LAMTOR3: variants seen among roughly 807,000 people sequenced by gnomAD.
LAMTOR3 encodes the protein late endosomal/lysosomal adaptor, MAPK and MTOR activator 3, also known as ragulator complex protein LAMTOR3.
In LAMTOR3, 14 loss-of-function variants were observed where a neutral mutation model predicts 20.3. The observed-to-expected ratio is 0.69, with a 90% CI of 0.46 to 1.08. The LOEUF is 1.08. Among genes scored for constraint, LAMTOR3 ranks in the 50% least tolerant of loss-of-function variants. The pLI is 0.00. For missense variants in LAMTOR3, 125 were observed against 143.7 expected (o/e 0.87, Z 0.67); for synonymous variants, 40 against 49.4 (o/e 0.81, Z 0.80).
In LAMTOR3 at chr4:99,887,321, A is replaced by G. The variant is rs745413817; in HGVS notation, c.78T>C (p.Asp26=). The part of the protein sequence containing the change: ...VEGLHAIVVS[D]RDGVPVIKVA... ...CTTTAATAACAGGTACTCCATCTCT[A>G]TCTGACACAACAATGGCATGGAGCC... The change falls in exon 4 of 7, where the codon GAT becomes GAC. Residue 26 remains aspartate (D), a synonymous_variant. Coordinates refer to ENST00000499666, the MANE Select transcript of LAMTOR3 (RefSeq NM_021970.4). 12 of 1,562,242 alleles carry G rather than the reference A, an allele frequency of 7.7e-6. No individual in the cohort carries two copies. Among genetic ancestry groups the G allele is most frequent in the South Asian group, 7.2e-5 (6 of 82,912 alleles).
chr4:99,878,713 C>T lies in LAMTOR3; in HGVS notation c.*3281G>A, dbSNP rs1724759014. 6.6e-6 allele frequency: 1 copy of T among 152,188 alleles called. No individual in the cohort carries two copies. Among genetic ancestry groups the T allele is most frequent in the Admixed American group, 6.5e-5 (1 of 15,284 alleles). 9.4% of individuals were successfully genotyped at this position (152,188 alleles called of 1,614,324 possible). A position where few individuals can be genotyped will look rare whatever the true frequency, so the allele number is the denominator to read the frequency against. ...GATCTTTTCATCTCAGTACCTAAAG[C>T]ACTTCTTCATTCCTTTTTCCATTGG... is the stretch of plus-strand genomic sequence containing the variant. On this transcript the variant is annotated 3_prime_UTR_variant, in exon 7 of 7. Transcript: ENST00000499666.
At position 99,884,597 on chromosome 4, in the gene LAMTOR3, C is replaced by A. The variant is rs148392182; in HGVS notation, c.238-472G>T. Among the ~76,000 whole-genome samples the A allele has an allele frequency of 3.4e-4, 51 of 152,160 alleles. No individual in the cohort carries two copies. The East Asian group carries it at 7.9e-3, about 24-fold the overall frequency. On this transcript the variant is annotated intron_variant, in intron 5 of 6. Transcript: ENST00000499666. ...AAAGAAAACTTAGTTTAAACCTAAT[C>A]CTTATTGATGAAATTAAAGGTCAGA...
At position 99,881,969 on chromosome 4, in the gene LAMTOR3, G is replaced by C. The variant is rs747370548; in HGVS notation, c.*25C>G. ...TATTGTGTTGTTATAATGAAGATAA[G>C]GTACACACTGAAACCACTGTCAGAT... is the stretch of plus-strand genomic sequence containing the variant. On this transcript the variant is annotated 3_prime_UTR_variant, in exon 7 of 7. Transcript: ENST00000499666. 1 of 1,440,330 alleles carries C rather than the reference G, an allele frequency of 6.9e-7. No homozygotes were observed. The highest frequency in any genetic ancestry group is 9.8e-7 in the Non-Finnish European group (1 of 1,025,606). The allele number at this position is 1,440,330 out of a possible 1,614,324, so 89.2% of individuals were successfully genotyped here. A position where few individuals can be genotyped will look rare whatever the true frequency, so the allele number is the denominator to read the frequency against.
At chr4:99,885,407 T>C in intron 5 of LAMTOR3, 135 bp downstream of exon 5, 1 of 654,014 alleles carries the variant, frequency 1.5e-6, no homozygotes, top group South Asian at 3.2e-5. Context: ...TACAACCAAT[T>C]TGAAGGCTAA....
chr4:99,890,919 T>C lies in LAMTOR3; in HGVS notation c.44+1081A>G, dbSNP rs57427258. ...TCATCATATCCAGTGTCACACGCTATTATGATTTTGAGAGCACACTTAATA... is the reference window on the plus strand; with the variant it reads ...TCATCATATCCAGTGTCACACGCTACTATGATTTTGAGAGCACACTTAATA... On this transcript the variant is annotated intron_variant, in intron 3 of 6. Transcript: ENST00000499666. 8.1e-3 allele frequency among the ~76,000 whole-genome samples: 1,229 copies of C among 152,332 alleles called. 17 individuals carry two copies. Among genetic ancestry groups the C allele is most frequent in the African/African-American group, 0.027 (1,135 of 41,576 alleles).
At chr4:99,893,673 T>A (rs1057095055) in intron 2 of LAMTOR3, among the ~76,000 whole-genome samples, 1 of 152,148 alleles carries the variant, frequency 6.6e-6, no homozygotes, top group African/African-American at 2.4e-5. Context: ...ATACAGAGCC[T>A]CTCTTATGCC....
At chr4:99,887,233 T>C (rs1724944363) in intron 4 of LAMTOR3, 63 bp downstream of exon 4, 1 of 1,087,712 alleles carries the variant, frequency 9.2e-7, no homozygotes, top group East Asian at 2.6e-5. Flanking sequence ...TACTCAGATG[T>C]AAATTACACA....
chr4:99,881,519 C>T lies in LAMTOR3; in HGVS notation c.*475G>A, dbSNP rs1467627332. On this transcript the variant is annotated 3_prime_UTR_variant, in exon 7 of 7. Coordinates refer to ENST00000499666, the MANE Select transcript of LAMTOR3 (RefSeq NM_021970.4). Reference sequence around the variant, plus strand: ...ATTGTACTGATTTTATTACTTTTACCAAGCCATTTTATGTTCCTCACTCAA... The same window carrying T: ...ATTGTACTGATTTTATTACTTTTACTAAGCCATTTTATGTTCCTCACTCAA... The T allele has an allele frequency of 6.5e-6, 1 of 153,472 alleles. No individual in the cohort carries two copies. The highest frequency in any genetic ancestry group is 2.4e-5 in the African/African-American group (1 of 41,434). 9.5% of individuals were successfully genotyped at this position (153,472 alleles called of 1,614,324 possible). A position where few individuals can be genotyped will look rare whatever the true frequency, so the allele number is the denominator to read the frequency against.
At position 99,881,165 on chromosome 4, in the gene LAMTOR3, A is replaced by G. The variant is rs1724819811; in HGVS notation, c.*829T>C. 1 of 152,232 alleles carries G rather than the reference A, an allele frequency of 6.6e-6. No individual in the cohort carries two copies. The highest frequency in any genetic ancestry group is 1.5e-5 in the Non-Finnish European group (1 of 68,032). 9.4% of individuals were successfully genotyped at this position (152,232 alleles called of 1,614,324 possible). ...TATTAATTATGTTTAGATTTTTGGA[A>G]AAAGTCTGAACAAAAAAAGGACCTA... On this transcript the variant is annotated 3_prime_UTR_variant, in exon 7 of 7. Transcript: ENST00000499666.
chr4:99,892,955 C>A (rs551486270), intron 2 of LAMTOR3, among the ~76,000 whole-genome samples: 1 of 152,282 alleles, frequency 6.6e-6, no homozygotes, highest in South Asian at 2.1e-4. Context: ...GCTGGGATTA[C>A]AGACGTGAGC....
At chr4:99,887,665 G>A (rs1724953788) in intron 3 of LAMTOR3, among the ~76,000 whole-genome samples, 1 of 152,112 alleles carries the variant, frequency 6.6e-6, no homozygotes, top group Non-Finnish European at 1.5e-5. Context: ...TATCAGCAGG[G>A]GCTATAGTGA....
At chr4:99,889,369 A>G (rs1442256648) in intron 3 of LAMTOR3, among the ~76,000 whole-genome samples, 1 of 152,184 alleles carries the variant, frequency 6.6e-6, no homozygotes, top group African/African-American at 2.4e-5. Context: ...ACTGTCCATC[A>G]AGAAGGACAA....
intron 6 of LAMTOR3, 51 bp from the exon 7 acceptor site, chr4:99,882,118 G>A (rs1477136967): frequency 1.8e-6 from 2 of 1,126,480 alleles, no homozygotes; most frequent in Middle Eastern, 2.0e-4. Flanking sequence ...GTTCCTCAAA[G>A]CCTGAAACTC....
At chr4:99,887,746 T>C in intron 3 of LAMTOR3, among the ~76,000 whole-genome samples, 1 of 152,268 alleles carries the variant, frequency 6.6e-6, no homozygotes, top group East Asian at 1.9e-4. Context: ...ACTTAATACT[T>C]TGATACTATG....
chr4:99,894,251 A>G, intron 1 of LAMTOR3, 84 bp downstream of exon 1: 1 of 365,954 alleles, frequency 2.7e-6, no homozygotes, highest in Non-Finnish European at 4.9e-6. Context: ...AAAAGAAGAG[A>G]GGGTCCTCTC....
intron 2 of LAMTOR3, 52 bp downstream of exon 2, chr4:99,893,903 C>T: frequency 3.6e-6 from 5 of 1,388,328 alleles, no homozygotes; most frequent in East Asian, 2.7e-5. Flanking sequence ...GCTCAGTATG[C>T]CCCTCAAAAT....
At chr4:99,888,057 T>C (rs1724960751) in intron 3 of LAMTOR3, among the ~76,000 whole-genome samples, 1 of 152,212 alleles carries the variant, frequency 6.6e-6, no homozygotes, top group Admixed American at 6.5e-5. Context: ...ATGCAGGCTA[T>C]GCAGTAATCC....
intron 1 of LAMTOR3, 92 bp from the exon 2 acceptor site, chr4:99,894,092 C>A: frequency 2.6e-6 from 2 of 773,572 alleles, no homozygotes; most frequent in Admixed American, 3.0e-5. Flanking sequence ...CTGGTCAGAA[C>A]CAGGTAAAAC....
intron 3 of LAMTOR3, among the ~76,000 whole-genome samples, chr4:99,889,158 T>C (rs889965158): frequency 1.3e-5 from 2 of 152,112 alleles, no homozygotes; most frequent in African/African-American, 4.8e-5. Flanking sequence ...ATTGCGCCAC[T>C]GCACTCCCAG....
Sources: allele counts gnomAD v4.1 joint callset (sites outside exome capture counted in the v4.1 genomes callset), GRCh38; gene constraint gnomAD v4.1.1; transcripts MANE v1.5; gene names NCBI Gene and HGNC (gene_info 2026-07-23, HGNC 2026-07-21).